The following SYMPK variants were observed in gnomAD, a reference collection of about 807,000 sequenced individuals.
The protein encoded by SYMPK is symplekin.
A neutral mutation model predicts 136.4 loss-of-function variants in SYMPK; 49 were observed. The ratio of observed to expected loss-of-function variants is 0.36; its 90% confidence interval spans 0.29 to 0.46. The LOEUF is 0.46. Among genes scored for constraint, SYMPK ranks in the 20% least tolerant of loss-of-function variants. The pLI is 1.00. For missense variants in SYMPK, 1,365 were observed against 1,690.0 expected (o/e 0.81, Z 3.37); for synonymous variants, 766 against 713.0 (o/e 1.07, Z -1.19).
chr19:45,852,834 G>C (rs1009539454), intron 3 of SYMPK, among the ~76,000 whole-genome samples: 1 of 152,158 alleles, frequency 6.6e-6, no homozygotes, highest in African/African-American at 2.4e-5. Context: ...TGACACAGGA[G>C]GGGGCTGAAA....
At chr19:45,816,447 T>C in intron 25 of SYMPK, 35 bp downstream of exon 25, 1 of 1,590,840 alleles carries the variant, frequency 6.3e-7, no homozygotes, top group South Asian at 1.1e-5. Context: ...GGTGGGAGTC[T>C]GGGGATCCAG....
intron 5 of SYMPK, 31 bp downstream of exon 5, chr19:45,852,281 T>C (rs895039734): frequency 1.2e-6 from 2 of 1,613,806 alleles, no homozygotes; most frequent in Non-Finnish European, 1.7e-6. Context: ...CCAGTGAGAA[T>C]GCTCCCGGGG....
rs1331109994 is a variant in SYMPK at position 45,821,374 on chromosome 19, A to G, written c.2893+10T>C. On this transcript the variant is annotated intron_variant, in intron 22 of 26. Transcript: ENST00000245934. This position sits in a 1 kb window ranked among gnomAD's most constrained non-coding sequence, Gnocchi z 4.4. ...GGCCAGGCCACTGGAGTGGGGGGGA[A>G]GCGCCTCACCTTTGATGATGGATTT... The G allele has an allele frequency of 1.2e-6, 2 of 1,609,686 alleles. No individual in the cohort carries two copies. The highest frequency in any genetic ancestry group is 1.3e-5 in the African/African-American group (1 of 74,634).
In SYMPK at chr19:45,828,071, C is replaced by G. The variant is rs148977068; in HGVS notation, c.1986-153G>C. 88 of 646,520 alleles carry G rather than the reference C, an allele frequency of 1.4e-4. No homozygotes were observed. In the East Asian group the frequency reaches 2.2e-3, roughly 16 times the overall value. 40.0% of individuals were successfully genotyped at this position (646,520 alleles called of 1,614,324 possible). On this transcript the variant is annotated intron_variant, in intron 14 of 26. Coordinates refer to ENST00000245934, the MANE Select transcript of SYMPK (RefSeq NM_004819.3). The stretch of plus-strand genomic sequence containing the variant: ...TATAAAGCTTTGGAGGTGAACAGAA[C>G]AGGGTTCAAAAGCTGGCGGCTGGAT...
At chr19:45,856,141 G>A (rs1400899088) in intron 1 of SYMPK, among the ~76,000 whole-genome samples, 1 of 151,912 alleles carries the variant, frequency 6.6e-6, no homozygotes, top group African/African-American at 2.4e-5. Flanking sequence ...ATCGTCTGAG[G>A]TTAGGAGTTT....
intron 17 of SYMPK, among the ~76,000 whole-genome samples, chr19:45,825,591 TC>T (rs1469106767): frequency 2.0e-5 from 3 of 152,112 alleles, no homozygotes; most frequent in Admixed American, 2.0e-4. Flanking sequence ...CTGGCTCCAA[TC>T]CCAGCCATGC....
chr19:45,851,552 T>C (rs1339841053), intron 5 of SYMPK, among the ~76,000 whole-genome samples: 1 of 148,256 alleles, frequency 6.7e-6, no homozygotes, highest in African/African-American at 2.5e-5. Context: ...TACTCCAGCC[T>C]GGACAACAGA....
chr19:45,826,674 C>T (rs1031387532), intron 16 of SYMPK, among the ~76,000 whole-genome samples: 2 of 152,238 alleles, frequency 1.3e-5, no homozygotes, highest in Non-Finnish European at 1.5e-5. Context: ...GTGCCACTCC[C>T]TGCCAAGTCT....
Position 45,821,481 on chromosome 19 carries a change from CT to C in SYMPK, c.2795del (p.Glu932GlyfsTer9). 1.2e-6 allele frequency: 2 copies of C among 1,613,008 alleles called. No homozygotes were observed. Among genetic ancestry groups the C allele is most frequent in the Non-Finnish European group, 1.7e-6 (2 of 1,179,150 alleles). On this transcript the variant is annotated frameshift_variant, in exon 22 of 27. Coordinates refer to ENST00000245934, the MANE Select transcript of SYMPK (RefSeq NM_004819.3). LOFTEE classifies it high-confidence loss of function. The surrounding 1 kb of genome is among the most constrained non-coding windows in gnomAD (Gnocchi z 4.4). The stretch of plus-strand genomic sequence containing the variant: ...TCAGCGGGGACAAGGCTGAGTTTCC[CT>C]CACCTGCAGCAGGCGGGAGGAAGGG... ...FNRLLGTQHG[E>X]GNSALSPLNP... is the part of the protein sequence containing the mutation.
At position 45,826,370 on chromosome 19, in the gene SYMPK, G is replaced by A. The variant is rs780926621; in HGVS notation, c.2185C>T (p.Arg729Cys). 20 of 1,613,928 alleles carry A rather than the reference G, an allele frequency of 1.2e-5. No homozygotes were observed. The highest frequency in any genetic ancestry group is 4.0e-5 in the African/African-American group (3 of 74,908). ...TTGATGAACAGCAGGGCCTGGGAGC[G>A]CACCTGAGGAGGAAGATGGAGAAGG... Reference protein sequence around the residue: ...DLSSHEKDKVRSQALLFIKRM... With the variant: ...DLSSHEKDKVCSQALLFIKRM... Residue 729 changes from arginine (R) to cysteine (C), a missense_variant, in exon 17 of 27, where the codon CGC (arginine) becomes TGC (cysteine). Arg to Cys is a radical substitution (Grantham distance 180). This residue lies in a region of SYMPK where 303 missense variants were observed against 326.6 expected (regional missense o/e 0.93). Coordinates refer to ENST00000245934, the MANE Select transcript of SYMPK (RefSeq NM_004819.3).
Position 45,844,195 on chromosome 19 carries a change from G to A in SYMPK, c.682C>T (p.Leu228=). Residue 228 remains leucine, a synonymous_variant, in exon 8 of 27, where the codon CTA becomes TTA. Transcript: ENST00000245934. The part of the protein sequence containing the change: ...RDHPYIQYNV[L]WEEGKAALEQ... ...AAGGCTGCCTTGCCCTCTTCCCATA[G>A]CACGTCTAAGAGACAGAGAGGAGAA... 1 of 1,597,306 alleles carries A rather than the reference G, an allele frequency of 6.3e-7. No homozygotes were observed.
chr19:45,815,510 G>A lies in SYMPK; in HGVS notation c.*50C>T. On this transcript the variant is annotated 3_prime_UTR_variant, in exon 27 of 27. Coordinates refer to ENST00000245934, the MANE Select transcript of SYMPK (RefSeq NM_004819.3). ...GCACCCGCAGGTCAAGCCCCGCCCC[G>A]TCCCCCAGCCCCGAGTCCCTGTCCC... 2 of 614,606 alleles carry A rather than the reference G, an allele frequency of 3.3e-6. No homozygotes were observed. The highest frequency in any genetic ancestry group is 2.2e-5 in the African/African-American group (1 of 45,968). 38.1% of individuals were successfully genotyped at this position (614,606 alleles called of 1,614,324 possible).
Position 45,829,097 on chromosome 19 carries a change from A to G in SYMPK, c.1858T>C (p.Phe620Leu). The G allele has an allele frequency of 1.2e-6, 2 of 1,614,200 alleles. No individual in the cohort carries two copies. Among genetic ancestry groups the G allele is most frequent in the Non-Finnish European group, 1.7e-6 (2 of 1,180,038 alleles). ...TTGTACTCCTGGTAGAGCCAGGCGAAGGCCAGGTCCAGGCGGGCCCGCACA... is the reference window on the plus strand; with the variant it reads ...TTGTACTCCTGGTAGAGCCAGGCGAGGGCCAGGTCCAGGCGGGCCCGCACA... ...EDVRARLDLAFAWLYQEYNAY... is the reference protein window; with the variant it reads ...EDVRARLDLALAWLYQEYNAY... Residue 620 changes from phenylalanine (F) to leucine (L), a missense_variant, in exon 14 of 27, where the codon TTC (phenylalanine) becomes CTC (leucine). Transcript: ENST00000245934.
Position 45,829,004 on chromosome 19 carries a change from A to T in SYMPK, c.1951T>A (p.Ser651Thr), listed in dbSNP as rs1463587214. Reference sequence around the variant, plus strand: ...TGGTCTGGTTTCTCCTGCAGGCCAGACAACAGGCGGATGAGGCAGTCCTCA... The same window carrying T: ...TGGTCTGGTTTCTCCTGCAGGCCAGTCAACAGGCGGATGAGGCAGTCCTCA... Reference protein sequence around the residue: ...KYEDCLIRLLSGLQEKPDQKD... With the variant: ...KYEDCLIRLLTGLQEKPDQKD... Residue 651 changes from serine (S) to threonine (T), a missense_variant, in exon 14 of 27, where the codon TCT becomes ACT. This residue lies in a region of SYMPK where 303 missense variants were observed against 326.6 expected (regional missense o/e 0.93). Transcript: ENST00000245934. The T allele has an allele frequency of 6.2e-7, 1 of 1,614,176 alleles. No individual in the cohort carries two copies. Among genetic ancestry groups the T allele is most frequent in the Non-Finnish European group, 8.5e-7 (1 of 1,180,034 alleles).
In SYMPK at chr19:45,821,451, A is replaced by G. The variant is rs765512551; in HGVS notation, c.2826T>C (p.Pro942=). 6.2e-7 allele frequency: 1 copy of G among 1,614,080 alleles called. No homozygotes were observed. Among genetic ancestry groups the G allele is most frequent in the Non-Finnish European group, 8.5e-7 (1 of 1,180,002 alleles). The change falls in exon 22 of 27, where the codon CCT becomes CCC. Residue 942 remains proline (P), a synonymous_variant. Transcript: ENST00000245934. The surrounding 1 kb of genome is among the most constrained non-coding windows in gnomAD (Gnocchi z 4.4). Reference sequence around the variant, plus strand: ...TGTGTAATGCGATCAGGAGCTCTCCAGGGTTCAGCGGGGACAAGGCTGAGT... The same window carrying G: ...TGTGTAATGCGATCAGGAGCTCTCCGGGGTTCAGCGGGGACAAGGCTGAGT... The part of the protein sequence containing the change: ...EGNSALSPLN[P]GELLIALHNI...
In SYMPK at chr19:45,826,380, AG is replaced by A. The variant is rs748625363; in HGVS notation, c.2182-8del. ...GCAGGGCCTGGGAGCGCACCTGAGG[AG>A]GAAGATGGAGAAGGGCAGGGTCAGG... is the stretch of plus-strand genomic sequence containing the variant. On this transcript the variant is annotated splice_region_variant and splice_polypyrimidine_tract_variant and intron_variant, in intron 16 of 26. Transcript: ENST00000245934. 1.9e-6 allele frequency: 3 copies of A among 1,613,948 alleles called. No homozygotes were observed. The highest frequency in any genetic ancestry group is 1.7e-6 in the Non-Finnish European group (2 of 1,179,932).
intron 1 of SYMPK, among the ~76,000 whole-genome samples, chr19:45,858,920 G>C (rs1460433903): frequency 2.3e-5 from 3 of 129,410 alleles, no homozygotes; most frequent in African/African-American, 9.5e-5. Flanking sequence ...AGTTCCACGA[G>C]GACAGTGATT....
At chr19:45,851,577 CAAA>C (rs202014672) in intron 5 of SYMPK, among the ~76,000 whole-genome samples, 10 of 106,002 alleles carry the variant, frequency 9.4e-5, no homozygotes, top group Non-Finnish European at 1.2e-4. Context: ...AACTCAGTCT[CAAA>C]AAAAAAAAAA....
rs1411938230 is a variant in SYMPK at position 45,853,959 on chromosome 19, C to T, written c.171+216G>A. ...GACCCTGGGCTAATAATTTAAGCCC[C>T]GGGGTCTGCTTCTTTCTGTATAAAA... is the stretch of plus-strand genomic sequence containing the variant. On this transcript the variant is annotated intron_variant, in intron 3 of 26. Coordinates refer to ENST00000245934, the MANE Select transcript of SYMPK (RefSeq NM_004819.3). Among the ~76,000 whole-genome samples the T allele has an allele frequency of 2.0e-5, 3 of 152,212 alleles. No homozygotes were observed. The East Asian group carries it at 5.8e-4, about 29-fold the overall frequency.
Sources: allele counts gnomAD v4.1 joint callset (sites outside exome capture counted in the v4.1 genomes callset), GRCh38; gene constraint gnomAD v4.1.1; regional missense constraint gnomAD v4.1.1; non-coding constraint Gnocchi (gnomAD v3.1); transcripts MANE v1.5; gene names NCBI Gene and HGNC (gene_info 2026-07-23, HGNC 2026-07-21).